IKZF5: variants seen among roughly 807,000 people sequenced by gnomAD.
IKZF5 encodes the protein IKAROS family zinc finger 5.
A neutral mutation model predicts 30.7 loss-of-function variants in IKZF5; 4 were observed. That is an observed-to-expected ratio of 0.13 (90% confidence interval 0.06 to 0.30). The LOEUF is 0.30. Among genes scored for constraint, IKZF5 ranks in the 10% least tolerant of loss-of-function variants. The pLI is 1.00. For synonymous variants in IKZF5, 148 were observed against 179.6 expected (o/e 0.82, Z 1.41); for missense variants, 348 against 525.5 (o/e 0.66, Z 3.30).
At chr10:123,004,014 T>G (rs1849697392) in intron 2 of IKZF5, among the ~76,000 whole-genome samples, 2 of 152,222 alleles carry the variant, frequency 1.3e-5, no homozygotes, top group Admixed American at 1.3e-4. Context: ...GAACTAGTTC[T>G]CTGTTTCTTT....
rs1849284675 is a variant in IKZF5 at position 122,994,380 on chromosome 10, TG to T, written c.659del (p.Pro220GlnfsTer33). The T allele has an allele frequency of 6.2e-7, 1 of 1,613,980 alleles. No individual in the cohort carries two copies. The highest frequency in any genetic ancestry group is 8.5e-7 in the Non-Finnish European group (1 of 1,180,016). Reference sequence around the variant, plus strand: ...TTTCATAGGAGTCAGTCTGGATATTTGGGATTTCGTGGGTAAAATCGTTAAG... The same window carrying T: ...TTTCATAGGAGTCAGTCTGGATATTTGGATTTCGTGGGTAAAATCGTTAAG... ...DYLNDFTHEI[P>X]NIQTDSYESM... On this transcript the variant is annotated frameshift_variant, in exon 5 of 5. Coordinates refer to ENST00000368886, the MANE Select transcript of IKZF5 (RefSeq NM_001372123.1). LOFTEE classifies it high-confidence loss of function. The surrounding 1 kb of genome is among the most constrained non-coding windows in gnomAD (Gnocchi z 5.6).
chr10:122,999,269 G>C (rs1849500094), intron 2 of IKZF5, among the ~76,000 whole-genome samples: 1 of 152,230 alleles, frequency 6.6e-6, no homozygotes, highest in Admixed American at 6.5e-5. Context: ...TGAGGCACTT[G>C]AAATTTGGCT....
chr10:122,995,883 A>G, intron 4 of IKZF5, 111 bp downstream of exon 4: 1 of 1,026,424 alleles, frequency 9.7e-7, no homozygotes, highest in Non-Finnish European at 1.4e-6. Context: ...CGAACTTTAC[A>G]TAAACCTTCA....
chr10:122,998,202 A>G (rs1337833756), intron 3 of IKZF5: 4 of 238,318 alleles, frequency 1.7e-5, no homozygotes, highest in East Asian at 8.3e-5. Context: ...TGATATTCCA[A>G]TCCCCTTTGG....
rs1328773773 is a variant in IKZF5, at chr10:122,991,230, G to GTAAA, written c.*2546_*2549dup. On this transcript the variant is annotated 3_prime_UTR_variant, in exon 5 of 5. Transcript: ENST00000368886. ...AAACACCCAGTGGAATTTTTTCAAAGTAAATGTCTAGCCTTAACTTGAAGT... is the reference window on the plus strand; with the variant it reads ...AAACACCCAGTGGAATTTTTTCAAAGTAAATAAATGTCTAGCCTTAACTTGAAGT... 1.3e-5 allele frequency: 2 copies of GTAAA among 152,084 alleles called. No individual in the cohort carries two copies. The highest frequency in any genetic ancestry group is 2.4e-5 in the African/African-American group (1 of 41,408). 9.4% of individuals were successfully genotyped at this position (152,084 alleles called of 1,614,324 possible).
At chr10:123,000,369 G>T (rs551570382) in intron 2 of IKZF5, among the ~76,000 whole-genome samples, 122 of 152,270 alleles carry the variant, frequency 8.0e-4, no homozygotes, top group African/African-American at 2.7e-3. Flanking sequence ...CATTGTAATT[G>T]TAAGATTCAT....
intron 2 of IKZF5, among the ~76,000 whole-genome samples, chr10:123,003,580 G>A (rs1849676630): frequency 1.3e-5 from 2 of 152,302 alleles, no homozygotes; most frequent in Admixed American, 6.5e-5. Flanking sequence ...TATACATAAA[G>A]CATATTGTGA....
chr10:122,994,854 C>T lies in IKZF5; in HGVS notation c.317-131G>A. On this transcript the variant is annotated intron_variant, in intron 4 of 4. Coordinates refer to ENST00000368886, the MANE Select transcript of IKZF5 (RefSeq NM_001372123.1). The surrounding 1 kb of genome is among the most constrained non-coding windows in gnomAD (Gnocchi z 5.6). ...CTTTCAGAAAGTCATATTTGCATAG[C>T]ATATGAGATTGTTAAAATTTGTAAA... 8.7e-6 allele frequency: 6 copies of T among 689,142 alleles called. No individual in the cohort carries two copies. In the South Asian group the frequency reaches 1.2e-4, roughly 14 times the overall value. 42.7% of individuals were successfully genotyped at this position (689,142 alleles called of 1,614,324 possible). A position where few individuals can be genotyped will look rare whatever the true frequency, so the allele number is the denominator to read the frequency against.
At position 122,993,960 on chromosome 10, in the gene IKZF5, A is replaced by T. The variant is rs761592322; in HGVS notation, c.1080T>A (p.Pro360=). 6.2e-7 allele frequency: 1 copy of T among 1,614,158 alleles called. No individual in the cohort carries two copies. The highest frequency in any genetic ancestry group is 8.5e-7 in the Non-Finnish European group (1 of 1,180,012). Residue 360 remains proline (P), a synonymous_variant, in exon 5 of 5, where the codon CCT becomes CCA. Coordinates refer to ENST00000368886, the MANE Select transcript of IKZF5 (RefSeq NM_001372123.1). The stretch of plus-strand genomic sequence containing the variant: ...AGTGCTGGCAGTGGTGCAGAAGCTG[A>T]GGGTCCTGGACCGGCAGGGCTGGGG... ...TPAPALPVQD[P]QLLHHCQHCD...
intron 2 of IKZF5, 124 bp downstream of exon 2, chr10:123,006,902 A>G (rs1252799557): frequency 2.0e-5 from 3 of 152,246 alleles, no homozygotes; most frequent in Non-Finnish European, 4.4e-5. Flanking sequence ...CAGAACTGTC[A>G]AAAACTCTTG....
chr10:123,001,154 C>T (rs561280886), intron 2 of IKZF5, among the ~76,000 whole-genome samples: 75 of 151,984 alleles, frequency 4.9e-4, no homozygotes, highest in South Asian at 2.9e-3. Context: ...TACAGGTGTC[C>T]GCCACCACGC....
chr10:122,993,311 T>A lies in IKZF5; in HGVS notation c.*469A>T, dbSNP rs966445382. On this transcript the variant is annotated 3_prime_UTR_variant, in exon 5 of 5. Coordinates refer to ENST00000368886, the MANE Select transcript of IKZF5 (RefSeq NM_001372123.1). ...CTTAAGGAATGTGAACTAAATGATA[T>A]TTCAATTAATAGCAATTTTTAAGGC... is the stretch of plus-strand genomic sequence containing the variant. The A allele has an allele frequency of 6.5e-6, 1 of 152,760 alleles. No homozygotes were observed. The highest frequency in any genetic ancestry group is 2.4e-5 in the African/African-American group (1 of 41,448). 9.5% of individuals were successfully genotyped at this position (152,760 alleles called of 1,614,324 possible). A position where few individuals can be genotyped will look rare whatever the true frequency, so the allele number is the denominator to read the frequency against.
rs1373054550 is a variant in IKZF5 at position 122,993,986 on chromosome 10, CTGGGGT to C, written c.1048_1053del (p.Thr350_Pro351del). The C allele has an allele frequency of 6.2e-7, 1 of 1,614,056 alleles. No homozygotes were observed. The highest frequency in any genetic ancestry group is 2.2e-5 in the East Asian group (1 of 44,866). ...GGGTCCTGGACCGGCAGGGCTGGGG[CTGGGGT>C]GCTTGGCTGGCTGTTTCCTATGCTG... On this transcript the variant is annotated inframe_deletion, in exon 5 of 5. Coordinates refer to ENST00000368886, the MANE Select transcript of IKZF5 (RefSeq NM_001372123.1).
At chr10:122,999,942 C>T (rs2133400309) in intron 2 of IKZF5, among the ~76,000 whole-genome samples, 1 of 152,188 alleles carries the variant, frequency 6.6e-6, no homozygotes, top group South Asian at 2.1e-4. Flanking sequence ...GTAAATATAC[C>T]TTATAAAATC....
chr10:122,998,747 C>G (rs1046905250), intron 2 of IKZF5, 76 bp from the exon 3 acceptor site: 74 of 716,406 alleles, frequency 1.0e-4, no homozygotes, highest in Non-Finnish European at 1.6e-4. Flanking sequence ...GTGCAAGACA[C>G]TATATAAAGC....
At chr10:123,006,473 T>C (rs781644663) in intron 2 of IKZF5, among the ~76,000 whole-genome samples, 1 of 152,146 alleles carries the variant, frequency 6.6e-6, no homozygotes, top group Non-Finnish European at 1.5e-5. Context: ...AAATGCAAAT[T>C]AGAAGGCATT....
chr10:122,996,247 T>A, intron 3 of IKZF5, 71 bp from the exon 4 acceptor site: 1 of 1,344,916 alleles, frequency 7.4e-7, no homozygotes, highest in South Asian at 1.3e-5. Flanking sequence ...CAGTTTTAAG[T>A]GGTTGAAAAA....
intron 2 of IKZF5, among the ~76,000 whole-genome samples, chr10:123,005,875 G>C (rs1564741486): frequency 6.6e-6 from 1 of 152,182 alleles, no homozygotes; most frequent in Non-Finnish European, 1.5e-5. Context: ...TCAGTCTATG[G>C]TAATTCGTTA....
intron 4 of IKZF5, chr10:122,995,007 G>A (rs978598755): frequency 2.9e-6 from 1 of 343,748 alleles, no homozygotes; most frequent in Non-Finnish European, 5.2e-6. Flanking sequence ...AGAAGAAACA[G>A]TACAATTGAA....
Sources: gnomAD v4.1 joint callset for allele counts (sites outside exome capture counted in the v4.1 genomes callset) on GRCh38, gnomAD v4.1.1 for gene constraint, Gnocchi (gnomAD v3.1) non-coding constraint, MANE v1.5 for transcripts, NCBI Gene and HGNC (gene_info 2026-07-23, HGNC 2026-07-21) for gene names.